The following DMBT1 variants were observed in gnomAD, a reference collection of about 807,000 sequenced individuals.
DMBT1 encodes deleted in malignant brain tumors 1, also known as scavenger receptor cysteine-rich domain-containing protein DMBT1.
Under a neutral mutation model 252.9 loss-of-function variants are expected in DMBT1, and 198 were observed. The observed-to-expected ratio is 0.78, with a 90% CI of 0.70 to 0.88. DMBT1 has a LOEUF of 0.88. DMBT1 is among the 40% of genes least tolerant of loss of function. The probability of loss-of-function intolerance (pLI) is 0.00; values close to 1 mark genes in which losing one functional copy is unlikely to be tolerated. For synonymous variants in DMBT1, 990 were observed against 942.7 expected (o/e 1.05, Z -0.92); for missense variants, 2,432 against 2,404.7 (o/e 1.01, Z -0.24).
Position 122,586,188 on chromosome 10 carries a change from G to T in DMBT1, c.1588G>T (p.Val530Leu). The T allele has an allele frequency of 1.9e-6, 3 of 1,589,368 alleles. No homozygotes were observed. The highest frequency in any genetic ancestry group is 1.7e-6 in the Non-Finnish European group (2 of 1,166,176). The change falls in exon 16 of 56, where the codon GTG (valine) becomes TTG (leucine). Residue 530 changes from valine to leucine, a missense_variant. By Grantham distance (32) the Val-to-Leu change is conservative (BLOSUM62 1). Transcript: ENST00000338354. Reference protein sequence around the residue: ...DDSWDTNDANVVCRQLGCGWA... With the variant: ...DDSWDTNDANLVCRQLGCGWA... The stretch of plus-strand genomic sequence containing the variant: ...CAGCTGGGACACCAATGATGCCAAT[G>T]TGGTCTGCAGGCAGCTGGGCTGTGG...
intron 19 of DMBT1, 88 bp from the exon 20 acceptor site, chr10:122,592,184 C>A: frequency 2.0e-6 from 3 of 1,536,456 alleles, no homozygotes; most frequent in Admixed American, 1.8e-5. Flanking sequence ...GCGACCTTGG[C>A]CATTAGGAAG....
chr10:122,600,785 AT>A (rs1226061476), intron 27 of DMBT1, among the ~76,000 whole-genome samples: 6 of 152,182 alleles, frequency 3.9e-5, no homozygotes, highest in African/African-American at 1.4e-4. Flanking sequence ...GATTAGAGAA[AT>A]GGAGGGCTCA....
At chr10:122,578,012 T>C (rs3013243) in intron 8 of DMBT1, among the ~76,000 whole-genome samples, 172 bp downstream of exon 8, 104,019 of 152,092 alleles carry the variant, frequency 0.68, 35,793 homozygotes, top group East Asian at 0.78. Flanking sequence ...ACATGGGATT[T>C]AGCTTCTGCC....
intron 52 of DMBT1, among the ~76,000 whole-genome samples, chr10:122,634,437 TCTCTCTCTCTCTCTCTCTCTC>T (rs2098203742): frequency 2.5e-5 from 1 of 39,468 alleles, no homozygotes; most frequent in African/African-American, 9.7e-5. Context: ...CTCTTCTCTC[TCTCTCTCTCTCTCTCTCTCTC>T]TCTCTCTCTC....
chr10:122,569,444 T>C (rs1591159979), intron 2 of DMBT1, among the ~76,000 whole-genome samples: 1 of 152,232 alleles, frequency 6.6e-6, no homozygotes, highest in Non-Finnish European at 1.5e-5. Flanking sequence ...CCAGTGTTGA[T>C]TTCCTTTGTT....
At chr10:122,566,771 C>T (rs563750201) in intron 2 of DMBT1, among the ~76,000 whole-genome samples, 1 of 152,322 alleles carries the variant, frequency 6.6e-6, no homozygotes, top group East Asian at 1.9e-4. Flanking sequence ...AAGTGCTCAA[C>T]TAATGCACAT....
At chr10:122,637,487 C>T (rs538667236) in intron 54 of DMBT1, among the ~76,000 whole-genome samples, 175 bp downstream of exon 54, 1 of 152,292 alleles carries the variant, frequency 6.6e-6, no homozygotes, top group Admixed American at 6.5e-5. Flanking sequence ...GCAGCTACTT[C>T]CAAATAGGAA....
intron 1 of DMBT1, among the ~76,000 whole-genome samples, chr10:122,563,388 T>A (rs1465931598): frequency 6.6e-6 from 1 of 152,134 alleles, no homozygotes; most frequent in Non-Finnish European, 1.5e-5. Context: ...TTCCTAAAAG[T>A]AATGTGAGCT....
chr10:122,632,935 A>G, intron 51 of DMBT1, 45 bp downstream of exon 51: 6 of 1,612,412 alleles, frequency 3.7e-6, no homozygotes, highest in Non-Finnish European at 5.1e-6. Flanking sequence ...AGTGGCCTGG[A>G]AATTCCCCTT....
intron 45 of DMBT1, 150 bp downstream of exon 45, chr10:122,625,453 T>C: frequency 1.3e-6 from 1 of 797,486 alleles, no homozygotes; most frequent in Non-Finnish European, 2.1e-6. Context: ...CGAGCTGAGT[T>C]CCCACTGCCA....
At chr10:122,630,928 T>C in intron 48 of DMBT1, 33 bp from the exon 49 acceptor site, 1 of 1,562,820 alleles carries the variant, frequency 6.4e-7, no homozygotes, top group Non-Finnish European at 8.7e-7. Context: ...TTGTGGGACA[T>C]GGCCATGATC....
chr10:122,618,550 C>T (rs1026579415), intron 41 of DMBT1, among the ~76,000 whole-genome samples: 1 of 152,226 alleles, frequency 6.6e-6, no homozygotes, highest in Non-Finnish European at 1.5e-5. Flanking sequence ...CGAACTGAAA[C>T]AACAACCCAG....
chr10:122,617,834 C>A (rs1398238618), intron 40 of DMBT1, among the ~76,000 whole-genome samples, 183 bp from the exon 41 acceptor site: 2 of 151,564 alleles, frequency 1.3e-5, no homozygotes, highest in Non-Finnish European at 1.5e-5. Context: ...TAAACCCAGG[C>A]AGCATAGTGT....
intron 16 of DMBT1, among the ~76,000 whole-genome samples, chr10:122,588,039 G>T (rs549448474): frequency 2.0e-5 from 3 of 148,546 alleles, no homozygotes; most frequent in African/African-American, 7.3e-5. Context: ...TAGTTTTCAT[G>T]ATGCTTGCCC....
At chr10:122,601,050 G>C (rs764063518) in intron 28 of DMBT1, 27 bp downstream of exon 28, 1 of 819,388 alleles carries the variant, frequency 1.2e-6, no homozygotes, top group South Asian at 1.6e-5. Flanking sequence ...CCCCTCCCTA[G>C]GGCTCACTGT....
At chr10:122,575,098 C>T (rs3013240) in intron 6 of DMBT1, among the ~76,000 whole-genome samples, 150,495 of 152,340 alleles carry the variant, frequency 0.99, 74,362 homozygotes, top group East Asian at 1. Flanking sequence ...CAAGCCAGTA[C>T]CTTACTTAAA....
At position 122,599,082 on chromosome 10, in the gene DMBT1, G is replaced by A. The variant is rs2097913953; in HGVS notation, c.3265G>A (p.Gly1089Ser). The A allele has an allele frequency of 1.9e-6, 3 of 1,613,702 alleles. No individual in the cohort carries two copies. The highest frequency in any genetic ancestry group is 2.5e-6 in the Non-Finnish European group (3 of 1,179,766). ...CAACTGTGGCCATAGTGAAGACGCT[G>A]GTGTCATCTGCTCAGGTGGGCCTTC... The part of the protein sequence containing the change: ...SHNCGHSEDA[G>S]VICSASQSRP... Residue 1089 changes from glycine (G) to serine (S), a missense_variant, in exon 26 of 56, where the codon GGT (glycine) becomes AGT (serine). Gly to Ser is a moderately conservative substitution (Grantham distance 56). This residue lies in a region of DMBT1 where 1,264 missense variants were observed against 1,082.2 expected (regional missense o/e 1.17). Coordinates refer to ENST00000338354, the MANE Select transcript of DMBT1 (RefSeq NM_001377530.1).
intron 41 of DMBT1, 24 bp from the exon 42 acceptor site, chr10:122,619,284 G>A: frequency 6.2e-7 from 1 of 1,613,862 alleles, no homozygotes; most frequent in Non-Finnish European, 8.5e-7. Context: ...CATCTGATCT[G>A]ACCTTCTCTT....
rs766174555 is a variant in DMBT1 at position 122,586,323 on chromosome 10, C to T, written c.1723C>T (p.His575Tyr). 1 of 1,588,730 alleles carries T rather than the reference C, an allele frequency of 6.3e-7. No individual in the cohort carries two copies. Among genetic ancestry groups the T allele is most frequent in the Admixed American group, 1.7e-5 (1 of 59,540 alleles). The stretch of plus-strand genomic sequence containing the variant: ...TGAGTCCTACTTGTGGAGCTGCCCC[C>T]ACAATGGCTGGCTCTCCCATAACTG... ...GNESYLWSCP[H>Y]NGWLSHNCGH... The change falls in exon 16 of 56, where the codon CAC becomes TAC. Residue 575 changes from histidine (H) to tyrosine (Y), a missense_variant. By Grantham distance (83) the His-to-Tyr change is moderately conservative (BLOSUM62 2). Coordinates refer to ENST00000338354, the MANE Select transcript of DMBT1 (RefSeq NM_001377530.1).
Sources: gnomAD v4.1 joint callset for allele counts (sites outside exome capture counted in the v4.1 genomes callset) on GRCh38, gnomAD v4.1.1 for gene constraint, gnomAD v4.1.1 regional missense constraint, MANE v1.5 for transcripts, NCBI Gene and HGNC (gene_info 2026-07-23, HGNC 2026-07-21) for gene names.